The following PDZRN4 variants were observed in gnomAD, a reference collection of about 807,000 sequenced individuals.
The protein encoded by PDZRN4 is PDZ domain-containing RING finger protein 4.
A neutral mutation model predicts 99.0 loss-of-function variants in PDZRN4; 70 were observed. The observed-to-expected ratio is 0.71, with a 90% confidence interval of 0.58 to 0.86. The LOEUF (loss-of-function observed/expected upper bound fraction) is 0.86. Among genes scored for constraint, PDZRN4 ranks in the 40% least tolerant of loss-of-function variants. The pLI, the probability that PDZRN4 is intolerant of heterozygous loss-of-function variation, is 0.00. For synonymous variants in PDZRN4, 551 were observed against 501.6 expected, an observed-to-expected ratio of 1.10 and a Z score of -1.32; for missense variants, 1,474 against 1,331.2, an observed-to-expected ratio of 1.11 and a Z score of -1.67.
chr12:41,215,851 G>GTT (rs11417657), intron 3 of PDZRN4, among the ~76,000 whole-genome samples: 209 of 148,760 alleles, frequency 1.4e-3, no homozygotes, highest in Middle Eastern at 3.5e-3. Flanking sequence ...AGCCTCCATA[G>GTT]TTTTTTTTTT....
chr12:41,357,137 TCTCTGTCTCTTTCTCTCTCTGC>T (rs1951933563), intron 3 of PDZRN4, among the ~76,000 whole-genome samples: 1 of 151,922 alleles, frequency 6.6e-6, no homozygotes, highest in South Asian at 2.1e-4. Flanking sequence ...ACTTCCCCTC[TCTCTGTCTCTTTCTCTCTCTGC>T]CTCTGTCTCT....
At chr12:41,409,024 C>T (rs2120368806) in intron 3 of PDZRN4, among the ~76,000 whole-genome samples, 1 of 152,152 alleles carries the variant, frequency 6.6e-6, no homozygotes, top group South Asian at 2.1e-4. Context: ...GTATCATAGG[C>T]AAAACTATTA....
chr12:41,316,456 ATGTGTGTGTG>A (rs71081722), intron 3 of PDZRN4, among the ~76,000 whole-genome samples: 26 of 144,532 alleles, frequency 1.8e-4, no homozygotes, highest in East Asian at 8.2e-4. Context: ...AAAAAGGCAA[ATGTGTGTGTG>A]TGTGTGTGTG....
chr12:41,371,779 G>T (rs1005643381), intron 3 of PDZRN4, among the ~76,000 whole-genome samples: 1 of 152,130 alleles, frequency 6.6e-6, no homozygotes, highest in African/African-American at 2.4e-5. Flanking sequence ...GTTGTGAGAA[G>T]TGAGGTGTCA....
chr12:41,438,056 G>C (rs766473059), intron 3 of PDZRN4: 2 of 1,603,438 alleles, frequency 1.2e-6, no homozygotes, highest in Admixed American at 1.7e-5. Context: ...GCCAGGCTTT[G>C]TGTTTGTCTG....
rs144271801 is a variant in PDZRN4 at position 41,375,466 on chromosome 12, T to A, written c.844-130990T>A. Among the ~76,000 whole-genome samples the A allele has an allele frequency of 8.1e-3, 1,235 of 152,242 alleles. 15 individuals are homozygous for A. Among genetic ancestry groups the A allele is most frequent in the African/African-American group, 0.029 (1,198 of 41,540 alleles). On this transcript the variant is annotated intron_variant, in intron 3 of 9. Transcript: ENST00000402685. ...GAGCTCTTTATATCCAAAGCACTAT[T>A]CTCAATGAATTGCATGTACTAACTC...
intron 3 of PDZRN4, among the ~76,000 whole-genome samples, chr12:41,240,431 G>A (rs1450198248): frequency 6.6e-6 from 1 of 152,158 alleles, no homozygotes; most frequent in Non-Finnish European, 1.5e-5. Context: ...AATTTTAGAG[G>A]TGCATCTACT....
chr12:41,349,967 C>T (rs759626242), intron 3 of PDZRN4, among the ~76,000 whole-genome samples: 2 of 151,718 alleles, frequency 1.3e-5, no homozygotes, highest in Non-Finnish European at 2.9e-5. Context: ...GTAAAGGGTA[C>T]AGGAGCAACA....
In PDZRN4 at chr12:41,214,430, T is replaced by TAAAA. The variant is rs536246838; in HGVS notation, c.843+20259_843+20262dup. Among the ~76,000 whole-genome samples the TAAAA allele has an allele frequency of 8.2e-4, 28 of 34,080 alleles. 3 individuals carry two copies. The highest frequency in any genetic ancestry group is 3.3e-3 in the South Asian group (2 of 604). 22.4% of individuals were successfully genotyped at this position (34,080 alleles called of 152,430 possible). On this transcript the variant is annotated intron_variant, in intron 3 of 9. Coordinates refer to ENST00000402685, the MANE Select transcript of PDZRN4 (RefSeq NM_001164595.2). ...GGCAATAGAAGGAGACCCTGTCCCC[T>TAAAA]AAAAAAAAAAAAAAAAAAAAGTTAT... is the stretch of plus-strand genomic sequence containing the variant.
chr12:41,419,021 A>C (rs1324682339), intron 3 of PDZRN4, among the ~76,000 whole-genome samples: 1 of 152,226 alleles, frequency 6.6e-6, no homozygotes, highest in Non-Finnish European at 1.5e-5. Flanking sequence ...ATTCAGAGAT[A>C]AAGTAGGATT....
chr12:41,313,763 G>C (rs1837333956), intron 3 of PDZRN4, among the ~76,000 whole-genome samples: 1 of 152,212 alleles, frequency 6.6e-6, no homozygotes. Flanking sequence ...GCAGGAGGAA[G>C]TGTTACATCT....
chr12:41,188,850 G>T lies in PDZRN4; in HGVS notation c.395G>T (p.Gly132Val), dbSNP rs899336703. The T allele has an allele frequency of 3.2e-6, 4 of 1,258,774 alleles. No individual in the cohort carries two copies. The highest frequency in any genetic ancestry group is 4.0e-6 in the Non-Finnish European group (4 of 1,002,474). The allele number at this position is 1,258,774 out of a possible 1,614,324, so 78.0% of individuals were successfully genotyped here. A position where few individuals can be genotyped will look rare whatever the true frequency, so the allele number is the denominator to read the frequency against. The change falls in exon 1 of 10, where the codon GGC (glycine) becomes GTC (valine). Residue 132 changes from glycine (G) to valine (V), a missense_variant. Coordinates refer to ENST00000402685, the MANE Select transcript of PDZRN4 (RefSeq NM_001164595.2). ...GGTGGTGAGGTGCCCGCGCGGGGGGGCTGCGGTCCGACACCCAGGGCTGGC... is the reference window on the plus strand; with the variant it reads ...GGTGGTGAGGTGCCCGCGCGGGGGGTCTGCGGTCCGACACCCAGGGCTGGC... ...LGGGEVPARG[G>V]CGPTPRAGRG... is the part of the protein sequence containing the mutation.
chr12:41,573,844 A>G lies in PDZRN4; in HGVS notation c.3065A>G (p.Asp1022Gly). ...ELMTHGAKSPDGTRVHNAFLS... is the reference protein window; with the variant it reads ...ELMTHGAKSPGGTRVHNAFLS... ...ATGACCCATGGGGCCAAGTCTCCAG[A>G]TGGCACGAGAGTCCATAATGCCTTC... is the stretch of plus-strand genomic sequence containing the variant. Residue 1022 changes from aspartate to glycine, a missense_variant, in exon 10 of 10, where the codon GAT becomes GGT. Physicochemically the swap from Asp to Gly is moderately conservative, Grantham distance 94. Coordinates refer to ENST00000402685, the MANE Select transcript of PDZRN4 (RefSeq NM_001164595.2). 6.3e-7 allele frequency: 1 copy of G among 1,599,422 alleles called. No individual in the cohort carries two copies. Among genetic ancestry groups the G allele is most frequent in the East Asian group, 2.2e-5 (1 of 44,838 alleles).
chr12:41,402,075 G>GA (rs79247586), intron 3 of PDZRN4, among the ~76,000 whole-genome samples: 6 of 35,294 alleles, frequency 1.7e-4, no homozygotes, highest in East Asian at 2.0e-3. Flanking sequence ...AGCAGGAAAA[G>GA]AAAAAAAAAA....
At chr12:41,346,564 G>A (rs1297251990) in intron 3 of PDZRN4, among the ~76,000 whole-genome samples, 1 of 152,028 alleles carries the variant, frequency 6.6e-6, no homozygotes, top group Admixed American at 6.5e-5. Context: ...GTTCCTTTAA[G>A]CATTATTTTT....
intron 3 of PDZRN4, among the ~76,000 whole-genome samples, chr12:41,351,798 G>T (rs1951892054): frequency 6.6e-6 from 1 of 151,964 alleles, no homozygotes; most frequent in East Asian, 1.9e-4. Context: ...ATAATTTGGA[G>T]AACACTCAAT....
At chr12:41,225,326 T>G (rs1950985829) in intron 3 of PDZRN4, among the ~76,000 whole-genome samples, 1 of 152,034 alleles carries the variant, frequency 6.6e-6, no homozygotes, top group African/African-American at 2.4e-5. Context: ...TGGTTGCATC[T>G]GATGTAATAA....
At chr12:41,266,423 A>G (rs368425507) in intron 3 of PDZRN4, among the ~76,000 whole-genome samples, 1 of 152,120 alleles carries the variant, frequency 6.6e-6, no homozygotes, top group South Asian at 2.1e-4. Context: ...TTACCTGTGC[A>G]CCTAGTTGGA....
chr12:41,549,514 A>G (rs996260771), intron 5 of PDZRN4, among the ~76,000 whole-genome samples: 15 of 152,282 alleles, frequency 9.9e-5, no homozygotes, highest in Middle Eastern at 3.4e-3. Context: ...ATCTGAGACA[A>G]TCTCAACCAA....
Sources: allele counts gnomAD v4.1 joint callset (sites outside exome capture counted in the v4.1 genomes callset), GRCh38; gene constraint gnomAD v4.1.1; transcripts MANE v1.5; gene names NCBI Gene and HGNC (gene_info 2026-07-23, HGNC 2026-07-21).